Variants in DCHS2 observed in about 807,000 individuals in gnomAD.
DCHS2 encodes dachsous cadherin-related 2.
DCHS2 carries 142 observed loss-of-function variants against 182.4 expected under a neutral mutation model. That is an observed-to-expected ratio of 0.78 (90% CI 0.68 to 0.89). DCHS2 has a LOEUF of 0.89. Ranked by LOEUF, DCHS2 falls within the 40% of genes least tolerant of loss-of-function variation. The pLI is 0.00. For missense variants in DCHS2, 4,319 were observed against 4,198.6 expected, an observed-to-expected ratio of 1.03 and a Z score of -0.79; for synonymous variants, 1,740 against 1,663.3, an observed-to-expected ratio of 1.05 and a Z score of -1.12.
At chr4:154,441,178 A>G (rs1733997129) in intron 1 of DCHS2, among the ~76,000 whole-genome samples, 1 of 152,200 alleles carries the variant, frequency 6.6e-6, no homozygotes, top group Non-Finnish European at 1.5e-5. Flanking sequence ...AGCCTCATTG[A>G]CTTAAAAGCT....
rs1418751173 is a variant in DCHS2, at chr4:154,304,834, T to A, written c.5440A>T (p.Thr1814Ser). The A allele has an allele frequency of 1.2e-6, 2 of 1,613,750 alleles. No homozygotes were observed. Among genetic ancestry groups the A allele is most frequent in the South Asian group, 2.2e-5 (2 of 91,008 alleles). Reference protein sequence around the residue: ...GGFPSLSSTTTILCTVEDEND... With the variant: ...GGFPSLSSTTSILCTVEDEND... The stretch of plus-strand genomic sequence containing the variant: ...TCATCTTCAACAGTGCAGAGGATTG[T>A]TGTGGTGCTGGACAATGAAGGGAAT... The change falls in exon 12 of 20, where the codon ACA (threonine) becomes TCA (serine). Residue 1814 changes from threonine to serine, a missense_variant. Thr to Ser is a moderately conservative substitution (Grantham distance 58, BLOSUM62 1). Coordinates refer to ENST00000357232, the MANE Select transcript of DCHS2 (RefSeq NM_001358235.2).
intron 7 of DCHS2, 48 bp downstream of exon 7, chr4:154,328,045 A>G (rs753868177): frequency 7.4e-7 from 1 of 1,355,994 alleles, no homozygotes; most frequent in Non-Finnish European, 1.0e-6. Context: ...GATAAATGAA[A>G]GCAGAAATCC....
intron 4 of DCHS2, 170 bp from the exon 5 acceptor site, chr4:154,333,664 C>T (rs1728628119): frequency 1.4e-6 from 1 of 697,880 alleles, no homozygotes; most frequent in Non-Finnish European, 2.3e-6. Context: ...TTTTATTGTA[C>T]CTTTTCTGTG....
rs145410602 is a variant in DCHS2, at chr4:154,461,157, A to G, written c.2052+28147T>C. Among the ~76,000 whole-genome samples the G allele has an allele frequency of 3.9e-3, 600 of 152,338 alleles. 4 individuals are homozygous for G. The highest frequency in any genetic ancestry group is 6.6e-3 in the Non-Finnish European group (451 of 68,026). ...CCTTTCCAATCCTAGGCCCTGACCC[A>G]TACTAAGCAATAGTATCACCAAAAT... On this transcript the variant is annotated intron_variant, in intron 1 of 19. Transcript: ENST00000357232.
At chr4:154,299,110 T>A (rs1052833748) in intron 12 of DCHS2, among the ~76,000 whole-genome samples, 7 of 152,228 alleles carry the variant, frequency 4.6e-5, no homozygotes, top group Admixed American at 2.6e-4. Context: ...CAGAATATAA[T>A]GTCCTTTTTT....
At chr4:154,337,382 G>C (rs1728860911) in intron 3 of DCHS2, among the ~76,000 whole-genome samples, 1 of 152,074 alleles carries the variant, frequency 6.6e-6, no homozygotes, top group Non-Finnish European at 1.5e-5. Flanking sequence ...AACACAACCT[G>C]GTCTTCCTGC....
chr4:154,277,884 T>TA (rs1382385770), intron 13 of DCHS2, among the ~76,000 whole-genome samples: 2 of 151,560 alleles, frequency 1.3e-5, no homozygotes, highest in African/African-American at 4.8e-5. Flanking sequence ...CTACCAAAAA[T>TA]AAAAAAATTA....
Position 154,445,229 on chromosome 4 carries a change from G to A in DCHS2, c.2052+44075C>T, listed in dbSNP as rs181259713. Among the ~76,000 whole-genome samples the A allele has an allele frequency of 4.8e-4, 73 of 152,286 alleles. No homozygotes were observed. The Middle Eastern group carries it at 0.01, about 21-fold the overall frequency. ...AGTGTTATCTTTAGGGCTTAGAATC[G>A]AGTCTGGAACCTAGTAAAGCCTCCA... On this transcript the variant is annotated intron_variant, in intron 1 of 19. Transcript: ENST00000357232.
At chr4:154,406,380 G>A (rs573785240) in intron 1 of DCHS2, among the ~76,000 whole-genome samples, 2 of 152,312 alleles carry the variant, frequency 1.3e-5, no homozygotes, top group African/African-American at 4.8e-5. Context: ...CAAAGTGCCA[G>A]GGCCAACAAA....
At chr4:154,284,203 T>A (rs2111242790) in intron 13 of DCHS2, among the ~76,000 whole-genome samples, 1 of 152,240 alleles carries the variant, frequency 6.6e-6, no homozygotes, top group South Asian at 2.1e-4. Flanking sequence ...ATTTTTATCC[T>A]CAAAATAATC....
chr4:154,254,545 G>A (rs1261406753), intron 16 of DCHS2, among the ~76,000 whole-genome samples: 1 of 152,140 alleles, frequency 6.6e-6, no homozygotes, highest in African/African-American at 2.4e-5. Context: ...ATTCTTAACA[G>A]TGTTTTGCTG....
At chr4:154,242,809 A>T (rs1731892061) in intron 16 of DCHS2, 37 bp from the exon 17 acceptor site, 1 of 1,570,750 alleles carries the variant, frequency 6.4e-7, no homozygotes, top group African/African-American at 1.4e-5. Context: ...GTGATTCATC[A>T]TCCAGGAATT....
intron 1 of DCHS2, among the ~76,000 whole-genome samples, chr4:154,488,633 T>C (rs1438269729): frequency 1.3e-5 from 2 of 152,114 alleles, no homozygotes; most frequent in African/African-American, 2.4e-5. Context: ...CTGGGCGTGG[T>C]GGCTCACCCC....
intron 1 of DCHS2, among the ~76,000 whole-genome samples, chr4:154,422,137 A>G (rs1209736873): frequency 1.3e-5 from 2 of 152,082 alleles, no homozygotes; most frequent in East Asian, 3.9e-4. Context: ...AGTCAACCCT[A>G]AGTGTTAGAG....
intron 2 of DCHS2, among the ~76,000 whole-genome samples, chr4:154,372,883 G>A (rs928822118): frequency 2.0e-5 from 3 of 152,150 alleles, no homozygotes; most frequent in Non-Finnish European, 4.4e-5. Flanking sequence ...AGGATAAATA[G>A]AGCAGTAGCA....
intron 10 of DCHS2, among the ~76,000 whole-genome samples, chr4:154,305,559 G>A (rs1280161571): frequency 6.6e-6 from 1 of 152,126 alleles, no homozygotes; most frequent in Non-Finnish European, 1.5e-5. Flanking sequence ...CTCTGATTGT[G>A]ATTTAATGAC....
intron 1 of DCHS2, among the ~76,000 whole-genome samples, chr4:154,443,110 C>T (rs924192521): frequency 1.3e-5 from 2 of 152,108 alleles, no homozygotes; most frequent in Non-Finnish European, 2.9e-5. Context: ...CCCTCACTTC[C>T]TTCTTATATT....
At chr4:154,454,424 TA>T (rs1486868967) in intron 1 of DCHS2, among the ~76,000 whole-genome samples, 3 of 152,168 alleles carry the variant, frequency 2.0e-5, no homozygotes, top group Non-Finnish European at 4.4e-5. Context: ...TTCTATTTTT[TA>T]TAGAGATGGG....
chr4:154,442,470 G>C (rs1040149735), intron 1 of DCHS2, among the ~76,000 whole-genome samples: 5 of 143,248 alleles, frequency 3.5e-5, no homozygotes, highest in Non-Finnish European at 6.0e-5. Context: ...AATCCCCTAT[G>C]TTCTCACCCT....
Sources: allele counts gnomAD v4.1 joint callset (sites outside exome capture counted in the v4.1 genomes callset), GRCh38; gene constraint gnomAD v4.1.1; transcripts MANE v1.5; gene names NCBI Gene and HGNC (gene_info 2026-07-23, HGNC 2026-07-21).